Variants in CARM1 observed in about 807,000 individuals in gnomAD.
CARM1 encodes coactivator associated arginine methyltransferase 1.
CARM1 carries 14 observed loss-of-function variants against 72.7 expected under a neutral mutation model. That is an observed-to-expected ratio of 0.19 (90% CI 0.13 to 0.30). The LOEUF (loss-of-function observed/expected upper bound fraction) is 0.30. CARM1 is among the 10% of genes least tolerant of loss of function. The probability of loss-of-function intolerance (pLI) is 1.00; values close to 1 mark genes in which losing one functional copy is unlikely to be tolerated. For synonymous variants in CARM1, 333 were observed against 345.5 expected, an observed-to-expected ratio of 0.96 and a Z score of 0.40; for missense variants, 432 against 833.7, an observed-to-expected ratio of 0.52 and a Z score of 5.93.
At chr19:10,901,648 A>C (rs1051780519) in intron 1 of CARM1, among the ~76,000 whole-genome samples, 1 of 150,330 alleles carries the variant, frequency 6.7e-6, no homozygotes, top group Non-Finnish European at 1.5e-5. Context: ...TTGTTGAGTT[A>C]AAAAAGTTCT....
Position 10,871,604 on chromosome 19 carries a change from G to GGCT in CARM1, c.-97_-96insTGC, listed in dbSNP as rs2073814381. ...CGGTAGCGGCAGCGGCGGCGGCGGC[G>GGCT]GCGGCGGCGGCGGCGGCGGCGGCGG... On this transcript the variant is annotated 5_prime_UTR_variant, in exon 1 of 16. Coordinates refer to ENST00000327064, the MANE Select transcript of CARM1 (RefSeq NM_199141.2). This position sits in a 1 kb window ranked among gnomAD's most constrained non-coding sequence, Gnocchi z 5.6. The GGCT allele has an allele frequency of 9.0e-6, 1 of 110,586 alleles. No individual in the cohort carries two copies. Among genetic ancestry groups the GGCT allele is most frequent in the South Asian group, 2.8e-4 (1 of 3,590 alleles). The allele number at this position is 110,586 out of a possible 1,614,324, so 6.9% of individuals were successfully genotyped here.
At position 10,919,694 on chromosome 19, in the gene CARM1, C is replaced by T. The variant is rs2074224547; in HGVS notation, c.1106+14C>T. The T allele has an allele frequency of 1.9e-6, 3 of 1,602,390 alleles. No homozygotes were observed. The highest frequency in any genetic ancestry group is 2.6e-6 in the Non-Finnish European group (3 of 1,169,466). On this transcript the variant is annotated intron_variant, in intron 9 of 15. Transcript: ENST00000327064. ...AGATTTGCACAGGTACTGGCACCCA[C>T]ACTCCATCCTCCCAGGCCTGGCTCA...
At chr19:10,914,102 G>T in intron 6 of CARM1, 48 bp downstream of exon 6, 2 of 1,539,656 alleles carry the variant, frequency 1.3e-6, no homozygotes, top group South Asian at 2.4e-5. Flanking sequence ...GGAGGCCCTG[G>T]CTGCCGCTGA....
chr19:10,908,266 T>G, intron 3 of CARM1, 121 bp downstream of exon 3: 3 of 657,154 alleles, frequency 4.6e-6, no homozygotes, highest in Non-Finnish European at 8.2e-6. Context: ...CTCTGTCCCT[T>G]ACTGGCCATG....
chr19:10,871,619 G>GGCGGCGGCGGCGGCGGCGGCT lies in CARM1; in HGVS notation c.-64_-63insTGCGGCGGCGGCGGCGGCGGC, dbSNP rs2073815937. The GGCGGCGGCGGCGGCGGCGGCT allele has an allele frequency of 7.2e-6, 1 of 138,896 alleles. No homozygotes were observed. Among genetic ancestry groups the GGCGGCGGCGGCGGCGGCGGCT allele is most frequent in the Non-Finnish European group, 1.3e-5 (1 of 76,674 alleles). The allele number at this position is 138,896 out of a possible 1,614,324, so 8.6% of individuals were successfully genotyped here. A position where few individuals can be genotyped will look rare whatever the true frequency, so the allele number is the denominator to read the frequency against. On this transcript the variant is annotated 5_prime_UTR_variant, in exon 1 of 16. Coordinates refer to ENST00000327064, the MANE Select transcript of CARM1 (RefSeq NM_199141.2). The surrounding 1 kb of genome is among the most constrained non-coding windows in gnomAD (Gnocchi z 5.6). ...CGGCGGCGGCGGCGGCGGCGGCGGC[G>GGCGGCGGCGGCGGCGGCGGCT]GCGGCGGCGGCGGCGGCGGCAGCGG...
At chr19:10,905,418 G>A (rs1375755098) in intron 2 of CARM1, among the ~76,000 whole-genome samples, 2 of 151,438 alleles carry the variant, frequency 1.3e-5, no homozygotes, top group African/African-American at 2.4e-5. Flanking sequence ...GGAGTGAGGC[G>A]AGGTCCTAGA....
intron 4 of CARM1, among the ~76,000 whole-genome samples, chr19:10,910,975 C>T (rs548846014): frequency 2.6e-5 from 4 of 152,196 alleles, no homozygotes; most frequent in Non-Finnish European, 5.9e-5. Flanking sequence ...ACTGCAGCCT[C>T]TGCCTCCTGG....
chr19:10,913,952 G>C lies in CARM1; in HGVS notation c.745G>C (p.Glu249Gln), dbSNP rs1295437849. 5 of 1,613,714 alleles carry C rather than the reference G, an allele frequency of 3.1e-6. No individual in the cohort carries two copies. The highest frequency in any genetic ancestry group is 4.2e-6 in the Non-Finnish European group (5 of 1,180,008). ...PGKVEEVSLPEQVDIIISEPM... is the reference protein window; with the variant it reads ...PGKVEEVSLPQQVDIIISEPM... ...CAAGGTGGAGGAGGTGTCACTCCCC[G>C]AGCAGGTGGACATCATCATCTCGGA... The change falls in exon 6 of 16, where the codon GAG becomes CAG. Residue 249 changes from glutamate (E) to glutamine (Q), a missense_variant. This residue lies in a region of CARM1 where 152 missense variants were observed against 452.8 expected (regional missense o/e 0.34). Coordinates refer to ENST00000327064, the MANE Select transcript of CARM1 (RefSeq NM_199141.2).
intron 8 of CARM1, among the ~76,000 whole-genome samples, chr19:10,917,893 G>A (rs573228422): frequency 5.8e-4 from 88 of 152,008 alleles, no homozygotes; most frequent in Non-Finnish European, 5.4e-4. Flanking sequence ...TGTAATTTTA[G>A]TAGAGATGGG....
chr19:10,918,670 C>T (rs1165867075), intron 8 of CARM1, among the ~76,000 whole-genome samples: 1 of 152,172 alleles, frequency 6.6e-6, no homozygotes, highest in Non-Finnish European at 1.5e-5. Flanking sequence ...TTTGCTTTGA[C>T]ATCACAGCCC....
intron 1 of CARM1, among the ~76,000 whole-genome samples, chr19:10,889,446 C>A (rs2073965425): frequency 6.6e-6 from 1 of 151,468 alleles, no homozygotes; most frequent in African/African-American, 2.4e-5. Flanking sequence ...TCCCAAGTAG[C>A]TGGGATTACA....
At chr19:10,887,582 C>T (rs1282838341) in intron 1 of CARM1, among the ~76,000 whole-genome samples, 1 of 152,148 alleles carries the variant, frequency 6.6e-6, no homozygotes, top group Non-Finnish European at 1.5e-5. Context: ...ATGGTCAAAA[C>T]CTTTCCTTAT....
intron 2 of CARM1, among the ~76,000 whole-genome samples, chr19:10,905,942 CTTT>C (rs35328638): frequency 1.9e-5 from 2 of 103,430 alleles, no homozygotes; most frequent in Non-Finnish European, 1.9e-5. Flanking sequence ...TGCCCGGCCC[CTTT>C]TTTTTTTTTT....
rs371879317 is a variant in CARM1, at chr19:10,920,272, T to A, written c.1197-164T>A. 6.6e-6 allele frequency among the ~76,000 whole-genome samples: 1 copy of A among 152,202 alleles called. No individual in the cohort carries two copies. Among genetic ancestry groups the A allele is most frequent in the East Asian group, 1.9e-4 (1 of 5,164 alleles). ...TCGTGTGTACATGTATGCCTGCTCA[T>A]GTTTGTGTCTGGGACTGCCTGGGGG... On this transcript the variant is annotated intron_variant, in intron 10 of 15. Transcript: ENST00000327064. The surrounding 1 kb of genome is among the most constrained non-coding windows in gnomAD (Gnocchi z 5.3).
chr19:10,904,877 C>G (rs925377343), intron 1 of CARM1, 74 bp from the exon 2 acceptor site: 3 of 1,571,464 alleles, frequency 1.9e-6, no homozygotes. Context: ...AGCAGGAGGG[C>G]GACAGGGACC....
intron 4 of CARM1, among the ~76,000 whole-genome samples, chr19:10,911,933 C>T (rs935126914): frequency 2.0e-5 from 3 of 152,224 alleles, no homozygotes; most frequent in African/African-American, 7.2e-5. Context: ...TGCCACTCAC[C>T]CCAGACGATC....
chr19:10,888,437 T>A (rs555033103), intron 1 of CARM1, among the ~76,000 whole-genome samples: 5 of 152,246 alleles, frequency 3.3e-5, no homozygotes, highest in African/African-American at 1.2e-4. Flanking sequence ...AAAATAGGAC[T>A]AAGGTCGACC....
intron 1 of CARM1, among the ~76,000 whole-genome samples, chr19:10,890,656 C>G (rs1447454385): frequency 1.3e-5 from 2 of 149,602 alleles, no homozygotes; most frequent in Non-Finnish European, 3.0e-5. Context: ...TATGTATATA[C>G]GTATATATGT....
chr19:10,900,181 A>G (rs2074053754), intron 1 of CARM1, among the ~76,000 whole-genome samples: 1 of 152,146 alleles, frequency 6.6e-6, no homozygotes, highest in Non-Finnish European at 1.5e-5. Context: ...GGGTGGTGGC[A>G]TGTGCGTGAG....
Sources: allele counts gnomAD v4.1 joint callset (sites outside exome capture counted in the v4.1 genomes callset), GRCh38; gene constraint gnomAD v4.1.1; regional missense constraint gnomAD v4.1.1; non-coding constraint Gnocchi (gnomAD v3.1); transcripts MANE v1.5; gene names NCBI Gene and HGNC (gene_info 2026-07-23, HGNC 2026-07-21).